UNC80: variants seen among roughly 807,000 people sequenced by gnomAD.
The protein encoded by UNC80 is unc-80 subunit of NALCN channel complex, also known as protein unc-80 homolog.
In UNC80, 164 loss-of-function variants were observed where a neutral mutation model predicts 384.6. That is an observed-to-expected ratio of 0.43 (90% confidence interval 0.38 to 0.49). The LOEUF (loss-of-function observed/expected upper bound fraction) is 0.49, where lower values mean the gene tolerates loss of function less well. Among genes scored for constraint, UNC80 ranks in the 20% least tolerant of loss-of-function variants. The probability of loss-of-function intolerance (pLI) is 0.00; values close to 1 mark genes in which losing one functional copy is unlikely to be tolerated. For synonymous variants in UNC80, 1,486 were observed against 1,527.8 expected, an observed-to-expected ratio of 0.97 and a Z score of 0.64; for missense variants, 3,330 against 4,143.0, an observed-to-expected ratio of 0.80 and a Z score of 5.39.
intron 27 of UNC80, among the ~76,000 whole-genome samples, chr2:209,895,727 T>G (rs554633492): frequency 6.6e-6 from 1 of 152,306 alleles, no homozygotes; most frequent in Admixed American, 6.5e-5. Context: ...AGTAGGGAAT[T>G]CTTGAGAGAT....
At position 209,933,987 on chromosome 2, in the gene UNC80, G is replaced by A; in HGVS notation, c.6160G>A (p.Val2054Met). ...KKEQCEVKLL[V>M]TASMPGTKTL... ...GGAGCAGTGTGAGGTGAAGCTCCTG[G>A]TGACCGCTTCAATGCCAGGTAAGCC... Residue 2054 changes from valine (V) to methionine (M), a missense_variant, in exon 39 of 65, where the codon GTG (valine) becomes ATG (methionine). Val to Met is a conservative substitution (Grantham distance 21, BLOSUM62 1). Transcript: ENST00000673920. 6.5e-7 allele frequency: 1 copy of A among 1,547,106 alleles called. No homozygotes were observed. The highest frequency in any genetic ancestry group is 8.7e-7 in the Non-Finnish European group (1 of 1,144,918).
At chr2:209,825,281 T>C (rs13412505) in intron 13 of UNC80, among the ~76,000 whole-genome samples, 13,832 of 152,186 alleles carry the variant, frequency 0.091, 976 homozygotes, top group East Asian at 0.23. Context: ...GGGCAAAAGA[T>C]AGGATGATAT....
chr2:209,845,448 A>G (rs2082103829), intron 21 of UNC80, among the ~76,000 whole-genome samples: 3 of 152,306 alleles, frequency 2.0e-5, no homozygotes, highest in African/African-American at 7.2e-5. Context: ...TTTCTTACAA[A>G]TGTTAGTTCA....
chr2:209,841,151 G>A (rs10181611), intron 20 of UNC80, among the ~76,000 whole-genome samples: 3,420 of 152,270 alleles, frequency 0.022, 116 homozygotes, highest in African/African-American at 0.076. Flanking sequence ...CTGGAGTAAC[G>A]TAAGGTTTCT....
chr2:209,888,701 C>T (rs1454715055), intron 26 of UNC80, among the ~76,000 whole-genome samples: 6 of 151,992 alleles, frequency 3.9e-5, no homozygotes, highest in Non-Finnish European at 5.9e-5. Context: ...CTGCAACTTC[C>T]GCCTCCCAGG....
At chr2:209,818,892 A>C in intron 11 of UNC80, 101 bp from the exon 12 acceptor site, 352 of 1,218,208 alleles carry the variant, frequency 2.9e-4, no homozygotes, top group Non-Finnish European at 3.6e-4. Flanking sequence ...TTCAAAAACT[A>C]CAGCTGTTAT....
chr2:209,781,396 G>GC (rs2153824928), intron 4 of UNC80, among the ~76,000 whole-genome samples: 1 of 152,280 alleles, frequency 6.6e-6, no homozygotes, highest in East Asian at 1.9e-4. Flanking sequence ...AAACTACACT[G>GC]TTTTTTAGGT....
At chr2:209,834,618 A>G (rs1174774377) in intron 17 of UNC80, among the ~76,000 whole-genome samples, 1 of 152,222 alleles carries the variant, frequency 6.6e-6, no homozygotes, top group African/African-American at 2.4e-5. Context: ...TATTTATTTT[A>G]TGCCTATTGT....
At chr2:209,858,311 A>T (rs2083086507) in intron 22 of UNC80, among the ~76,000 whole-genome samples, 1 of 152,242 alleles carries the variant, frequency 6.6e-6, no homozygotes, top group Non-Finnish European at 1.5e-5. Flanking sequence ...ATAGATAGCT[A>T]CAACAATTTC....
Position 209,777,559 on chromosome 2 carries a change from G to T in UNC80, c.600G>T (p.Lys200Asn), listed in dbSNP as rs746755765. ...TTGCTCCCCTGGTACACAGGATCAA[G>T]GTAAGCAGAAACCCAGTGTTAGAGC... is the stretch of plus-strand genomic sequence containing the variant. Reference protein sequence around the residue: ...FLFAPLVHRIKESDLTFRLAS... With the variant: ...FLFAPLVHRINESDLTFRLAS... The change falls in exon 4 of 65, where the codon AAG (lysine) becomes AAT (asparagine). Residue 200 changes from lysine (K) to asparagine (N), a missense_variant and splice_region_variant. Physicochemically the swap from Lys to Asn is moderately conservative, Grantham distance 94 (BLOSUM62 0). Around this residue, in one of 8 missense-constraint regions of UNC80, gnomAD observed 937 missense variants for 1,026.8 expected, o/e 0.91. Coordinates refer to ENST00000673920, the MANE Select transcript of UNC80 (RefSeq NM_001371986.1). 1 of 1,601,904 alleles carries T rather than the reference G, an allele frequency of 6.2e-7. No homozygotes were observed. The highest frequency in any genetic ancestry group is 2.2e-5 in the East Asian group (1 of 44,814).
At chr2:209,900,534 C>G (rs1306315090) in intron 28 of UNC80, among the ~76,000 whole-genome samples, 1 of 152,146 alleles carries the variant, frequency 6.6e-6, no homozygotes, top group East Asian at 1.9e-4. Flanking sequence ...TCTTCTAGGG[C>G]CTCCCTATTC....
chr2:209,898,947 G>C (rs988106377), intron 28 of UNC80, among the ~76,000 whole-genome samples: 1 of 152,118 alleles, frequency 6.6e-6, no homozygotes, highest in African/African-American at 2.4e-5. Context: ...CAAATGACAG[G>C]ATCTCATTCT....
chr2:209,855,673 T>C (rs2082857769), intron 22 of UNC80, among the ~76,000 whole-genome samples: 1 of 152,168 alleles, frequency 6.6e-6, no homozygotes, highest in Admixed American at 6.5e-5. Context: ...ACCACATTGG[T>C]ATGTGTCTTT....
intron 7 of UNC80, chr2:209,795,938 G>C (rs1423058929): frequency 6.6e-6 from 1 of 152,298 alleles, no homozygotes; most frequent in Non-Finnish European, 1.5e-5. Flanking sequence ...GTCCCTAATG[G>C]AGTGCTGCCA....
chr2:209,952,932 A>T (rs563082862), intron 47 of UNC80, among the ~76,000 whole-genome samples: 2 of 152,292 alleles, frequency 1.3e-5, no homozygotes, highest in East Asian at 3.9e-4. Flanking sequence ...TAGAGCACAT[A>T]TTATAGGCAA....
At chr2:209,825,851 G>A in intron 13 of UNC80, 56 bp from the exon 14 acceptor site, 1 of 1,419,286 alleles carries the variant, frequency 7.0e-7, no homozygotes, top group African/African-American at 1.5e-5. Context: ...CTTAGCAAAA[G>A]GACCTCAGTG....
Position 209,872,872 on chromosome 2 carries a change from A to G in UNC80, c.3742A>G (p.Lys1248Glu). The G allele has an allele frequency of 1.3e-6, 2 of 1,551,514 alleles. No individual in the cohort carries two copies. Among genetic ancestry groups the G allele is most frequent in the Non-Finnish European group, 1.7e-6 (2 of 1,146,864 alleles). The part of the protein sequence containing the change: ...WMKGHHVNIT[K>E]KGLSRGRSPI... ...GAAAGGGCACCACGTGAACATCACC[A>G]AGAAAGGACTTTCCCGGGGACGCTC... The change falls in exon 23 of 65, where the codon AAG becomes GAG. Residue 1248 changes from lysine (K) to glutamate (E), a missense_variant. Around this residue, in one of 8 missense-constraint regions of UNC80, gnomAD observed 801 missense variants for 950.8 expected, o/e 0.84. Transcript: ENST00000673920. The surrounding 1 kb of genome is among the most constrained non-coding windows in gnomAD (Gnocchi z 4.1).
intron 6 of UNC80, among the ~76,000 whole-genome samples, chr2:209,792,473 G>A (rs1379450147): frequency 6.6e-6 from 1 of 152,004 alleles, no homozygotes; most frequent in Non-Finnish European, 1.5e-5. Flanking sequence ...TCAGCCTCCC[G>A]AGTAGCTGGG....
intron 23 of UNC80, among the ~76,000 whole-genome samples, chr2:209,874,814 T>C (rs1046220501): frequency 1.6e-4 from 25 of 152,202 alleles, no homozygotes; most frequent in African/African-American, 5.8e-4. Context: ...TTGGAAACAT[T>C]CATTTAATAT....
Sources: allele counts gnomAD v4.1 joint callset (sites outside exome capture counted in the v4.1 genomes callset), GRCh38; gene constraint gnomAD v4.1.1; regional missense constraint gnomAD v4.1.1; non-coding constraint Gnocchi (gnomAD v3.1); transcripts MANE v1.5; gene names NCBI Gene and HGNC (gene_info 2026-07-23, HGNC 2026-07-21).